Variants in SYT1 observed in about 807,000 individuals in gnomAD.
SYT1 encodes the protein synaptotagmin 1.
A neutral mutation model predicts 44.8 loss-of-function variants in SYT1; 8 were observed. The observed-to-expected ratio is 0.18, with a 90% CI of 0.10 to 0.32. The LOEUF is 0.32. Among genes scored for constraint, SYT1 ranks in the 10% least tolerant of loss-of-function variants. The probability of loss-of-function intolerance (pLI) is 1.00; values close to 1 mark genes in which losing one functional copy is unlikely to be tolerated. For synonymous variants in SYT1, 154 were observed against 188.8 expected (o/e 0.82, Z 1.51); for missense variants, 286 against 509.3 (o/e 0.56, Z 4.22).
chr12:79,088,168 GTTA>G (rs1877512860), intron 3 of SYT1, among the ~76,000 whole-genome samples: 1 of 152,002 alleles, frequency 6.6e-6, no homozygotes, highest in Non-Finnish European at 1.5e-5. Flanking sequence ...ATATAAGCCA[GTTA>G]TTATTACTAG....
intron 3 of SYT1, among the ~76,000 whole-genome samples, chr12:79,097,934 T>A (rs1343956675): frequency 6.6e-6 from 1 of 151,976 alleles, no homozygotes; most frequent in African/African-American, 2.4e-5. Context: ...GCATGCATAT[T>A]ACTCACACAT....
In SYT1 at chr12:79,299,523, G is replaced by A. The variant is rs1355252350; in HGVS notation, c.782G>A (p.Arg261His). Residue 261 changes from arginine (R) to histidine (H), a missense_variant, in exon 8 of 11, where the codon CGT becomes CAT. This residue lies in a region of SYT1 where 81 missense variants were observed against 164.9 expected (regional missense o/e 0.49). Transcript: ENST00000261205. ...VDFGHVTEEW[R>H]DLQSAEKEEQ... ...TTTGGCCATGTAACTGAGGAATGGCGTGACCTGCAAAGTGCTGAGAAGGAA... is the reference window on the plus strand; with the variant it reads ...TTTGGCCATGTAACTGAGGAATGGCATGACCTGCAAAGTGCTGAGAAGGAA... 8.7e-6 allele frequency: 14 copies of A among 1,613,258 alleles called. No homozygotes were observed. Among genetic ancestry groups the A allele is most frequent in the South Asian group, 2.2e-5 (2 of 91,026 alleles).
intron 3 of SYT1, among the ~76,000 whole-genome samples, chr12:79,199,199 A>C (rs189579701): frequency 6.6e-6 from 1 of 152,252 alleles, no homozygotes; most frequent in East Asian, 1.9e-4. Context: ...AACCAATTCA[A>C]TTCAATTCAG....
chr12:79,139,037 C>T (rs994747685), intron 3 of SYT1, among the ~76,000 whole-genome samples: 1 of 152,194 alleles, frequency 6.6e-6, no homozygotes, highest in Non-Finnish European at 1.5e-5. Flanking sequence ...CCTCAGCCTC[C>T]AGTGTGGCTT....
intron 8 of SYT1, among the ~76,000 whole-genome samples, chr12:79,312,102 C>A (rs1035973670): frequency 6.6e-6 from 1 of 151,754 alleles, no homozygotes; most frequent in African/African-American, 2.4e-5. Flanking sequence ...TTTGTGGATT[C>A]TTTCATACTG....
At chr12:78,974,215 T>C (rs1466106832) in intron 1 of SYT1, among the ~76,000 whole-genome samples, 1 of 150,880 alleles carries the variant, frequency 6.6e-6, no homozygotes, top group Non-Finnish European at 1.5e-5. Flanking sequence ...TATTTGTGTA[T>C]TGAAACATAG....
At chr12:79,022,886 C>T (rs976308789) in intron 2 of SYT1, among the ~76,000 whole-genome samples, 1 of 151,580 alleles carries the variant, frequency 6.6e-6, no homozygotes, top group African/African-American at 2.4e-5. Context: ...ATCTAGCTTT[C>T]GAAAGACAAG....
chr12:79,311,259 A>G (rs1880770901), intron 8 of SYT1, among the ~76,000 whole-genome samples: 2 of 152,218 alleles, frequency 1.3e-5, no homozygotes, highest in African/African-American at 2.4e-5. Flanking sequence ...CAAAAAACAC[A>G]TGAAAAAATG....
chr12:79,044,095 A>G (rs1460474561), intron 2 of SYT1, among the ~76,000 whole-genome samples: 3 of 151,806 alleles, frequency 2.0e-5, no homozygotes, highest in Admixed American at 6.6e-5. Context: ...GAATCTGACA[A>G]TTATGTGTCT....
chr12:78,997,058 T>C (rs1224051266), intron 2 of SYT1, among the ~76,000 whole-genome samples: 2 of 152,182 alleles, frequency 1.3e-5, no homozygotes, highest in African/African-American at 2.4e-5. Flanking sequence ...AGCAGGAGTA[T>C]GGTCTCCAGG....
intron 3 of SYT1, among the ~76,000 whole-genome samples, chr12:79,196,676 T>G (rs78315703): frequency 1.3e-5 from 2 of 152,188 alleles, no homozygotes; most frequent in Non-Finnish European, 2.9e-5. Context: ...AGATCAGAAC[T>G]AATTGTTCTG....
chr12:78,997,139 G>A (rs1870433476), intron 2 of SYT1, among the ~76,000 whole-genome samples: 1 of 152,152 alleles, frequency 6.6e-6, no homozygotes, highest in Admixed American at 6.5e-5. Flanking sequence ...CAAACTGGCA[G>A]GAAAGTTATT....
chr12:79,268,507 G>T (rs564901036), intron 4 of SYT1, among the ~76,000 whole-genome samples: 2 of 152,160 alleles, frequency 1.3e-5, no homozygotes, highest in Non-Finnish European at 2.9e-5. Context: ...AAATGGATGA[G>T]TGAATGAATG....
chr12:78,897,661 C>T (rs1328233405), intron 1 of SYT1, among the ~76,000 whole-genome samples: 1 of 152,190 alleles, frequency 6.6e-6, no homozygotes, highest in East Asian at 1.9e-4. Flanking sequence ...TTAAGTGCTA[C>T]AGGCAGAGCC....
intron 7 of SYT1, among the ~76,000 whole-genome samples, chr12:79,298,227 GTTTC>G (rs1879968570): frequency 6.6e-6 from 1 of 151,928 alleles, no homozygotes; most frequent in Non-Finnish European, 1.5e-5. Context: ...AAAAAATTTT[GTTTC>G]TTTCTTTGAG....
At chr12:79,368,992 G>C (rs978640109) in intron 9 of SYT1, among the ~76,000 whole-genome samples, 16 of 152,138 alleles carry the variant, frequency 1.1e-4, no homozygotes, top group Non-Finnish European at 2.4e-4. Context: ...GTCCTGAATG[G>C]TAATGAGATG....
At chr12:78,955,986 T>C (rs1879195139) in intron 1 of SYT1, among the ~76,000 whole-genome samples, 3 of 152,014 alleles carry the variant, frequency 2.0e-5, no homozygotes, top group African/African-American at 7.2e-5. Context: ...CTGTGTGGAA[T>C]GGGGTGATAA....
chr12:79,213,186 G>T (rs967425078), intron 3 of SYT1, among the ~76,000 whole-genome samples: 4 of 152,144 alleles, frequency 2.6e-5, no homozygotes, highest in Non-Finnish European at 5.9e-5. Context: ...GTATTTCACA[G>T]AAGTGTTTTT....
chr12:79,376,925 T>A (rs1227667022), intron 9 of SYT1, among the ~76,000 whole-genome samples: 1 of 152,196 alleles, frequency 6.6e-6, no homozygotes, highest in Non-Finnish European at 1.5e-5. Context: ...TTCATTAGAT[T>A]TCCAGAACTC....
Sources: allele counts gnomAD v4.1 joint callset (sites outside exome capture counted in the v4.1 genomes callset), GRCh38; gene constraint gnomAD v4.1.1; regional missense constraint gnomAD v4.1.1; transcripts MANE v1.5; gene names NCBI Gene and HGNC (gene_info 2026-07-23, HGNC 2026-07-21).